RBM20: variants seen among roughly 807,000 people sequenced by gnomAD.
RBM20 encodes the protein RNA binding motif protein 20.
Under a neutral mutation model 110.1 loss-of-function variants are expected in RBM20, and 51 were observed. The ratio of observed to expected loss-of-function variants is 0.46; its 90% CI spans 0.37 to 0.59. The LOEUF is 0.59. Among genes scored for constraint, RBM20 ranks in the 20% least tolerant of loss-of-function variants. RBM20 has a pLI of 0.00. For synonymous variants in RBM20, 589 were observed against 618.2 expected, an observed-to-expected ratio of 0.95 and a Z score of 0.70; for missense variants, 1,512 against 1,574.9, an observed-to-expected ratio of 0.96 and a Z score of 0.68.
Position 110,781,472 on chromosome 10 carries a change from A to G in RBM20, c.863A>G (p.Gln288Arg), listed in dbSNP as rs1302071718. The G allele has an allele frequency of 6.4e-7, 1 of 1,551,452 alleles. No individual in the cohort carries two copies. The highest frequency in any genetic ancestry group is 1.4e-5 in the African/African-American group (1 of 73,048). ...AAAGATTTTTACGGACCCAACTCCC[A>G]AGGTTCACATGTGGCCAGCGGATTT... ...FSKDFYGPNS[Q>R]GSHVASGFPA... The change falls in exon 2 of 14, where the codon CAA becomes CGA. Residue 288 changes from glutamine (Q) to arginine (R), a missense_variant. Gln to Arg is a conservative substitution (Grantham distance 43, BLOSUM62 1). Coordinates refer to ENST00000369519, the MANE Select transcript of RBM20 (RefSeq NM_001134363.3).
intron 12 of RBM20, 128 bp downstream of exon 12, chr10:110,823,742 A>T: frequency 3.0e-6 from 3 of 992,880 alleles, no homozygotes; most frequent in Non-Finnish European, 4.6e-6. Flanking sequence ...TTTTGAGACA[A>T]GGTCTCACTC....
chr10:110,826,740 G>A (rs144557817), intron 12 of RBM20, among the ~76,000 whole-genome samples: 3,375 of 151,964 alleles, frequency 0.022, 51 homozygotes, highest in Middle Eastern at 0.034. Context: ...CTGCCACCAC[G>A]CCTGGCTAGT....
At chr10:110,811,354 G>T (rs1376888849) in intron 8 of RBM20, among the ~76,000 whole-genome samples, 1 of 152,172 alleles carries the variant, frequency 6.6e-6, no homozygotes, top group Non-Finnish European at 1.5e-5. Flanking sequence ...TGACTCAGTT[G>T]ACCTGCTTAA....
intron 1 of RBM20, among the ~76,000 whole-genome samples, chr10:110,651,854 G>C (rs140353420): frequency 6.6e-6 from 1 of 152,202 alleles, no homozygotes; most frequent in Non-Finnish European, 1.5e-5. Context: ...GGATGTGGGC[G>C]CTGTGGGGCC....
chr10:110,784,262 C>A, intron 3 of RBM20, 79 bp from the exon 4 acceptor site: 2 of 1,056,790 alleles, frequency 1.9e-6, no homozygotes, highest in Non-Finnish European at 1.4e-6. Flanking sequence ...TCTGCACCTA[C>A]GAGTGGAATT....
intron 1 of RBM20, among the ~76,000 whole-genome samples, chr10:110,699,126 G>A (rs1439254640): frequency 6.6e-6 from 1 of 152,096 alleles, no homozygotes; most frequent in African/African-American, 2.4e-5. Context: ...CGCCATGTTA[G>A]ACGGGGGCTC....
At chr10:110,833,217 C>T (rs548802276) in intron 13 of RBM20, among the ~76,000 whole-genome samples, 3 of 151,516 alleles carry the variant, frequency 2.0e-5, no homozygotes, top group East Asian at 1.9e-4. Flanking sequence ...TGTGAAATCC[C>T]GTCTCTACTA....
At chr10:110,701,459 T>C (rs1862757216) in intron 1 of RBM20, among the ~76,000 whole-genome samples, 1 of 152,174 alleles carries the variant, frequency 6.6e-6, no homozygotes, top group African/African-American at 2.4e-5. Context: ...TTCCCATCAT[T>C]TACCCCGTGT....
intron 1 of RBM20, among the ~76,000 whole-genome samples, chr10:110,718,138 C>T (rs1353662207): frequency 1.3e-5 from 2 of 152,288 alleles, no homozygotes; most frequent in East Asian, 3.9e-4. Flanking sequence ...TCAGCACCAC[C>T]CCTGACTTCC....
intron 1 of RBM20, among the ~76,000 whole-genome samples, chr10:110,766,103 G>C (rs1844078180): frequency 6.7e-6 from 1 of 149,792 alleles, no homozygotes; most frequent in Non-Finnish European, 1.5e-5. Flanking sequence ...CTGGAGAGCA[G>C]TTTCAAGTAA....
intron 1 of RBM20, among the ~76,000 whole-genome samples, chr10:110,680,370 C>T (rs886973214): frequency 2.4e-4 from 37 of 152,180 alleles, no homozygotes; most frequent in African/African-American, 8.5e-4. Flanking sequence ...AAATTGCCTC[C>T]TCTTTCTTCT....
intron 1 of RBM20, among the ~76,000 whole-genome samples, chr10:110,648,717 G>C (rs536668046): frequency 4.2e-4 from 64 of 152,074 alleles, no homozygotes; most frequent in African/African-American, 1.4e-3. Flanking sequence ...GAAGAAAAGG[G>C]GGGGGTGCTA....
Position 110,799,908 on chromosome 10 carries a change from T to G in RBM20, c.1790T>G (p.Leu597Trp). 1 of 1,551,994 alleles carries G rather than the reference T, an allele frequency of 6.4e-7. No individual in the cohort carries two copies. Among genetic ancestry groups the G allele is most frequent in the Non-Finnish European group, 8.7e-7 (1 of 1,147,020 alleles). ...CGGATGTCCAAGAGATACAAGGAAT[T>G]GCAGCTCAAGGTAAAGCATTATCTT... ...LIRMSKRYKE[L>W]QLKKPGKAVA... The change falls in exon 7 of 14, where the codon TTG (leucine) becomes TGG (tryptophan). Residue 597 changes from leucine (L) to tryptophan (W), a missense_variant. Transcript: ENST00000369519.
At chr10:110,668,257 C>T in intron 1 of RBM20, among the ~76,000 whole-genome samples, 1 of 16,782 alleles carries the variant, frequency 6.0e-5, no homozygotes, top group Non-Finnish European at 5.3e-3. Flanking sequence ...GTGGGGAGGC[C>T]AAAAGGGAAT....
Position 110,644,714 on chromosome 10 carries a change from G to T in RBM20, c.191+69G>T. On this transcript the variant is annotated intron_variant, in intron 1 of 13. Transcript: ENST00000369519. The surrounding 1 kb of genome is among the most constrained non-coding windows in gnomAD (Gnocchi z 4.3). Reference sequence around the variant, plus strand: ...ACACGCCCCGAGAGCCCCCTTTGTGGCTTCATTTCCCGTCCCTGCTGAACT... The same window carrying T: ...ACACGCCCCGAGAGCCCCCTTTGTGTCTTCATTTCCCGTCCCTGCTGAACT... 2 of 1,217,920 alleles carry T rather than the reference G, an allele frequency of 1.6e-6. No individual in the cohort carries two copies. The highest frequency in any genetic ancestry group is 1.1e-6 in the Non-Finnish European group (1 of 917,926). 75.4% of individuals were successfully genotyped at this position (1,217,920 alleles called of 1,614,324 possible). A position where few individuals can be genotyped will look rare whatever the true frequency, so the allele number is the denominator to read the frequency against.
intron 1 of RBM20, among the ~76,000 whole-genome samples, chr10:110,762,799 A>G (rs1177981850): frequency 6.6e-6 from 1 of 152,132 alleles, no homozygotes; most frequent in Non-Finnish European, 1.5e-5. Context: ...GTTTGGGAAG[A>G]TGTGTGTGGT....
chr10:110,717,893 C>G (rs944879691), intron 1 of RBM20, among the ~76,000 whole-genome samples: 5 of 152,242 alleles, frequency 3.3e-5, no homozygotes, highest in African/African-American at 4.8e-5. Context: ...GAGCCTCATT[C>G]TCAAGCAACC....
At chr10:110,830,428 A>C (rs1471994112) in intron 12 of RBM20, among the ~76,000 whole-genome samples, 2 of 152,198 alleles carry the variant, frequency 1.3e-5, no homozygotes, top group Non-Finnish European at 2.9e-5. Flanking sequence ...AGGAAGTGGG[A>C]AAATGTTAAT....
intron 1 of RBM20, among the ~76,000 whole-genome samples, chr10:110,691,455 T>C (rs1862584428): frequency 6.6e-6 from 1 of 152,210 alleles, no homozygotes; most frequent in Admixed American, 6.5e-5. Context: ...TTTTGTTTGT[T>C]TTTATTATGG....
Sources: allele counts gnomAD v4.1 joint callset (sites outside exome capture counted in the v4.1 genomes callset), GRCh38; gene constraint gnomAD v4.1.1; non-coding constraint Gnocchi (gnomAD v3.1); transcripts MANE v1.5; gene names NCBI Gene and HGNC (gene_info 2026-07-23, HGNC 2026-07-21).